IL18R1: variants seen among roughly 807,000 people sequenced by gnomAD.
IL18R1 encodes the protein interleukin 18 receptor 1.
IL18R1 carries 40 observed loss-of-function variants against 48.5 expected under a neutral mutation model. The ratio of observed to expected loss-of-function variants is 0.82; its 90% CI spans 0.64 to 1.07. The LOEUF (loss-of-function observed/expected upper bound fraction) is 1.07. Ranked by LOEUF, IL18R1 falls within the 50% of genes least tolerant of loss-of-function variation. The pLI, the probability that IL18R1 is intolerant of heterozygous loss-of-function variation, is 0.00. For missense variants in IL18R1, 596 were observed against 633.7 expected (o/e 0.94, Z 0.64); for synonymous variants, 232 against 225.9 (o/e 1.03, Z -0.24).
chr2:102,374,711 G>T (rs902156402), intron 4 of IL18R1, among the ~76,000 whole-genome samples: 3 of 151,976 alleles, frequency 2.0e-5, no homozygotes, highest in African/African-American at 7.3e-5. Flanking sequence ...CCGGGAGGCA[G>T]AGGTTGCAGC....
chr2:102,396,832 A>G lies in IL18R1; in HGVS notation c.1572A>G (p.Thr524=). 2 of 1,611,322 alleles carry G rather than the reference A, an allele frequency of 1.2e-6. No individual in the cohort carries two copies. The highest frequency in any genetic ancestry group is 1.7e-6 in the Non-Finnish European group (2 of 1,179,296). Residue 524 remains threonine, a synonymous_variant, in exon 11 of 11, where the codon ACA becomes ACG. Coordinates refer to ENST00000233957, the MANE Select transcript of IL18R1 (RefSeq NM_003855.5). ...TTCTTTACTTAATGCCTGCAAAAAC[A>G]GTCAAGCCAGGTAGAGACGAACCGG... is the stretch of plus-strand genomic sequence containing the variant. The part of the protein sequence containing the change: ...KNLLYLMPAK[T]VKPGRDEPEV...
intron 5 of IL18R1, among the ~76,000 whole-genome samples, chr2:102,376,336 T>C (rs1295830658): frequency 6.6e-6 from 1 of 152,230 alleles, no homozygotes; most frequent in African/African-American, 2.4e-5. Context: ...TTGTGGAATC[T>C]TTTGTTGTTG....
Position 102,396,948 on chromosome 2 carries a change from C to T in IL18R1, c.*62C>T, listed in dbSNP as rs7570821. On this transcript the variant is annotated 3_prime_UTR_variant, in exon 11 of 11. Coordinates refer to ENST00000233957, the MANE Select transcript of IL18R1 (RefSeq NM_003855.5). ...TATTCTGGGGACTGAGCATATGAACCTGTTCATAACAAAGGCTGTGACTCG... is the reference window on the plus strand; with the variant it reads ...TATTCTGGGGACTGAGCATATGAACTTGTTCATAACAAAGGCTGTGACTCG... 0.064 allele frequency: 60,223 copies of T among 941,374 alleles called. 2,352 individuals are homozygous for T. The highest frequency in any genetic ancestry group is 0.08 in the Non-Finnish European group (49,319 of 618,988). The allele number at this position is 941,374 out of a possible 1,614,324, so 58.3% of individuals were successfully genotyped here.
chr2:102,371,099 C>G (rs1338428526), intron 3 of IL18R1, among the ~76,000 whole-genome samples: 1 of 151,480 alleles, frequency 6.6e-6, no homozygotes, highest in Non-Finnish European at 1.5e-5. Context: ...TCTTGTTACC[C>G]AGGCTGGAGT....
chr2:102,356,241 C>T lies in IL18R1; in HGVS notation c.-188C>T, dbSNP rs1344737135. 3 of 503,528 alleles carry T rather than the reference C, an allele frequency of 6.0e-6. No homozygotes were observed. The African/African-American group carries it at 6.5e-5, about 11-fold the overall frequency. The allele number at this position is 503,528 out of a possible 1,614,324, so 31.2% of individuals were successfully genotyped here. On this transcript the variant is annotated 5_prime_UTR_variant, in exon 1 of 11. Coordinates refer to ENST00000233957, the MANE Select transcript of IL18R1 (RefSeq NM_003855.5). ...TTTTTTTGTAGCCCTCTCTGGGTGC[C>T]TTATCTCTTTAATCACACCTCTCTT...
chr2:102,394,487 C>G lies in IL18R1; in HGVS notation c.1130C>G (p.Ala377Gly). The G allele has an allele frequency of 1.2e-6, 2 of 1,611,244 alleles. No homozygotes were observed. The highest frequency in any genetic ancestry group is 1.7e-6 in the Non-Finnish European group (2 of 1,178,260). Residue 377 changes from alanine (A) to glycine (G), a missense_variant, in exon 10 of 11, where the codon GCT (alanine) becomes GGT (glycine). Ala to Gly is a moderately conservative substitution (Grantham distance 60). Transcript: ENST00000233957. ...ETLTDGKTYD[A>G]FVSYLKECRP... ...CTCCTAGATGGAAAAACATATGATG[C>G]TTTTGTGTCTTACCTAAAAGAATGC...
intron 8 of IL18R1, among the ~76,000 whole-genome samples, chr2:102,388,981 T>C (rs571481246): frequency 6.6e-6 from 1 of 152,188 alleles, no homozygotes; most frequent in Non-Finnish European, 1.5e-5. Flanking sequence ...TGGATAAATG[T>C]ATATGCCTTT....
intron 2 of IL18R1, 53 bp from the exon 3 acceptor site, chr2:102,367,772 C>G (rs1678992277): frequency 6.5e-7 from 1 of 1,531,924 alleles, no homozygotes; most frequent in Non-Finnish European, 8.8e-7. Flanking sequence ...AAAAAGTTAC[C>G]TTGTCATTTT....
At chr2:102,363,353 C>T (rs565451192) in intron 2 of IL18R1, among the ~76,000 whole-genome samples, 1 of 152,134 alleles carries the variant, frequency 6.6e-6, no homozygotes, top group East Asian at 1.9e-4. Context: ...CACATGGGCT[C>T]ATTTCCCTAC....
chr2:102,374,106 C>A (rs1679432232), intron 4 of IL18R1: 2 of 220,298 alleles, frequency 9.1e-6, no homozygotes, highest in Admixed American at 8.6e-5. Flanking sequence ...CCCCGCTCAA[C>A]CCCTGCCCAC....
rs552243102 is a variant in IL18R1 at position 102,360,418 on chromosome 2, C to A, written c.-28-2215C>A. ...AGCTGGGACTACAGGTGCCTGCCAA[C>A]GTGCCTGGCTAATTTTTTGTATTTT... On this transcript the variant is annotated intron_variant, in intron 1 of 10. Coordinates refer to ENST00000233957, the MANE Select transcript of IL18R1 (RefSeq NM_003855.5). 1.2e-4 allele frequency among the ~76,000 whole-genome samples: 18 copies of A among 152,232 alleles called. No homozygotes were observed. In the East Asian group the frequency reaches 3.1e-3, roughly 26 times the overall value.
intron 1 of IL18R1, among the ~76,000 whole-genome samples, chr2:102,360,496 C>A (rs1403043647): frequency 1.3e-5 from 2 of 152,148 alleles, no homozygotes; most frequent in Non-Finnish European, 2.9e-5. Flanking sequence ...GTCTCCTGAC[C>A]TCATGATCCG....
In IL18R1 at chr2:102,394,524, T is replaced by A; in HGVS notation, c.1167T>A (p.Asn389Lys). The A allele has an allele frequency of 6.2e-7, 1 of 1,613,154 alleles. No individual in the cohort carries two copies. The highest frequency in any genetic ancestry group is 8.5e-7 in the Non-Finnish European group (1 of 1,179,406). ...ACCTAAAAGAATGCCGACCTGAAAA[T>A]GGAGAGGAGCACACCTTTGCTGTGG... is the stretch of plus-strand genomic sequence containing the variant. ...VSYLKECRPE[N>K]GEEHTFAVEI... The change falls in exon 10 of 11, where the codon AAT becomes AAA. Residue 389 changes from asparagine (N) to lysine (K), a missense_variant. Asn to Lys is a moderately conservative substitution (Grantham distance 94). Around this residue, in one of 3 missense-constraint regions of IL18R1, gnomAD observed 179 missense variants for 206.1 expected, o/e 0.87. Coordinates refer to ENST00000233957, the MANE Select transcript of IL18R1 (RefSeq NM_003855.5).
In IL18R1 at chr2:102,396,918, C is replaced by G. The variant is rs775399254; in HGVS notation, c.*32C>G. 2 of 1,357,198 alleles carry G rather than the reference C, an allele frequency of 1.5e-6. No homozygotes were observed. Among genetic ancestry groups the G allele is most frequent in the Admixed American group, 2.2e-5 (1 of 45,674 alleles). The allele number at this position is 1,357,198 out of a possible 1,614,324, so 84.1% of individuals were successfully genotyped here. A position where few individuals can be genotyped will look rare whatever the true frequency, so the allele number is the denominator to read the frequency against. ...GAAACAGTGAACGCCAAAAAGAACTCAAGATATTCTGGGGACTGAGCATAT... is the reference window on the plus strand; with the variant it reads ...GAAACAGTGAACGCCAAAAAGAACTGAAGATATTCTGGGGACTGAGCATAT... On this transcript the variant is annotated 3_prime_UTR_variant, in exon 11 of 11. Coordinates refer to ENST00000233957, the MANE Select transcript of IL18R1 (RefSeq NM_003855.5).
chr2:102,390,998 T>C (rs1428532096), intron 9 of IL18R1, among the ~76,000 whole-genome samples: 1 of 150,796 alleles, frequency 6.6e-6, no homozygotes, highest in African/African-American at 2.4e-5. Context: ...TCTGGAATCA[T>C]GTCTCCTAGA....
intron 1 of IL18R1, among the ~76,000 whole-genome samples, chr2:102,359,794 C>T (rs1678469388): frequency 6.6e-6 from 1 of 152,220 alleles, no homozygotes. Flanking sequence ...TCAACTCAAT[C>T]ACTGTACTGC....
chr2:102,384,467 C>A (rs1017449293), intron 6 of IL18R1, among the ~76,000 whole-genome samples: 1 of 152,174 alleles, frequency 6.6e-6, no homozygotes, highest in African/African-American at 2.4e-5. Context: ...TTCTTAAGTA[C>A]GCTTGTAGTT....
intron 1 of IL18R1, among the ~76,000 whole-genome samples, chr2:102,359,674 G>A (rs768734281): frequency 6.6e-6 from 1 of 151,994 alleles, no homozygotes; most frequent in African/African-American, 2.4e-5. Context: ...TGTGCTTCTG[G>A]GTGTGGTCGA....
At chr2:102,376,320 A>G (rs779548570) in intron 5 of IL18R1, among the ~76,000 whole-genome samples, 1 of 152,340 alleles carries the variant, frequency 6.6e-6, no homozygotes, top group Non-Finnish European at 1.5e-5. Flanking sequence ...ATGAAATTTG[A>G]GTAAATTGTG....
Sources: gnomAD v4.1 joint callset for allele counts (sites outside exome capture counted in the v4.1 genomes callset) on GRCh38, gnomAD v4.1.1 for gene constraint, gnomAD v4.1.1 regional missense constraint, MANE v1.5 for transcripts, NCBI Gene and HGNC (gene_info 2026-07-23, HGNC 2026-07-21) for gene names.